The following LARS2 variants were observed in gnomAD, a reference collection of about 807,000 sequenced individuals.
The protein encoded by LARS2 is leucyl-tRNA synthetase 2, mitochondrial, also known as leucine--tRNA ligase, mitochondrial.
LARS2 carries 81 observed loss-of-function variants against 116.6 expected under a neutral mutation model. That is an observed-to-expected ratio of 0.69 (90% CI 0.58 to 0.84). The LOEUF (loss-of-function observed/expected upper bound fraction) is 0.84, where lower values mean the gene tolerates loss of function less well. Ranked by LOEUF, LARS2 falls within the 40% of genes least tolerant of loss-of-function variation. The probability of loss-of-function intolerance (pLI) is 0.00; values close to 1 mark genes in which losing one functional copy is unlikely to be tolerated. For synonymous variants in LARS2, 396 were observed against 407.2 expected (o/e 0.97, Z 0.33); for missense variants, 968 against 1,114.5 (o/e 0.87, Z 1.87).
At chr3:45,399,057 C>T (rs1698098254) in intron 3 of LARS2, among the ~76,000 whole-genome samples, 1 of 152,192 alleles carries the variant, frequency 6.6e-6, no homozygotes, top group Non-Finnish European at 1.5e-5. Flanking sequence ...GTACAGTTGT[C>T]TATGTTTCTC....
At chr3:45,389,316 A>T (rs916226867) in intron 1 of LARS2, among the ~76,000 whole-genome samples, 3 of 152,042 alleles carry the variant, frequency 2.0e-5, no homozygotes, top group Admixed American at 6.5e-5. Context: ...TCACGGGTCA[A>T]AACTTAGATC....
intron 5 of LARS2, 139 bp downstream of exon 5, chr3:45,417,712 G>T: frequency 1.7e-6 from 1 of 597,806 alleles, no homozygotes; most frequent in South Asian, 2.1e-5. Flanking sequence ...GTGTATATTG[G>T]TGTTTGTCTT....
At chr3:45,497,862 G>A (rs1266081579) in intron 14 of LARS2, among the ~76,000 whole-genome samples, 11 of 151,824 alleles carry the variant, frequency 7.2e-5, no homozygotes, top group African/African-American at 1.7e-4. Context: ...AGCTGAGCTC[G>A]TGCCACTGCA....
intron 15 of LARS2, chr3:45,509,349 C>T (rs1453911088): frequency 6.6e-6 from 1 of 152,126 alleles, no homozygotes; most frequent in Non-Finnish European, 1.5e-5. Flanking sequence ...AAAAGGGAAA[C>T]ACATTACCCC....
intron 8 of LARS2, among the ~76,000 whole-genome samples, chr3:45,462,263 TC>T: frequency 6.6e-6 from 1 of 152,116 alleles, no homozygotes; most frequent in South Asian, 2.1e-4. Context: ...TTGCTGCAGC[TC>T]CAGACATCGT....
intron 10 of LARS2, among the ~76,000 whole-genome samples, chr3:45,482,967 G>A (rs1699731169): frequency 6.6e-6 from 1 of 152,212 alleles, no homozygotes; most frequent in African/African-American, 2.4e-5. Flanking sequence ...GGGGAGAAGG[G>A]CATGCTCCTT....
At chr3:45,396,374 A>G (rs900947179) in intron 3 of LARS2, among the ~76,000 whole-genome samples, 1 of 152,254 alleles carries the variant, frequency 6.6e-6, no homozygotes, top group Admixed American at 6.5e-5. Flanking sequence ...GGCTCCTTGC[A>G]TTGTTTATCT....
chr3:45,518,121 T>A (rs1700400673), intron 18 of LARS2, 49 bp downstream of exon 18: 1 of 1,477,070 alleles, frequency 6.8e-7, no homozygotes, highest in African/African-American at 1.4e-5. Context: ...CAAGCACTCT[T>A]TGGGAACCTT....
chr3:45,519,116 CCTATAGTCAAAATGG>C lies in LARS2; in HGVS notation c.2214+1045_2214+1059del, dbSNP rs1172497448. 4.6e-5 allele frequency among the ~76,000 whole-genome samples: 7 copies of C among 152,258 alleles called. No homozygotes were observed. In the East Asian group the frequency reaches 1.3e-3, roughly 29 times the overall value. On this transcript the variant is annotated intron_variant, in intron 18 of 21. Transcript: ENST00000645846. ...GATGTGTTACTTTTCTGTATTCTTG[CCTATAGTCAAAATGG>C]AAAAGCACAGAAACATGAAAAAGCT... is the stretch of plus-strand genomic sequence containing the variant.
chr3:45,505,722 G>A (rs2125744628), intron 15 of LARS2, among the ~76,000 whole-genome samples: 1 of 152,064 alleles, frequency 6.6e-6, no homozygotes, highest in East Asian at 1.9e-4. Flanking sequence ...TCCTTCTTAT[G>A]TAGGTCTGGA....
chr3:45,541,805 C>A lies in LARS2; in HGVS notation c.2405-24C>A, dbSNP rs34191038. 1.4e-3 allele frequency: 2,248 copies of A among 1,613,086 alleles called. 31 individuals carry two copies. In the African/African-American group the frequency reaches 0.021, roughly 15 times the overall value. On this transcript the variant is annotated intron_variant, in intron 20 of 21. Coordinates refer to ENST00000645846, the MANE Select transcript of LARS2 (RefSeq NM_015340.4). ...CCTCCCTGTTCTTAGAGTGACCCCA[C>A]GCTTCTGTGCCTCGGCATTGCAGGC...
intron 16 of LARS2, among the ~76,000 whole-genome samples, chr3:45,514,740 T>A (rs1431206020): frequency 6.6e-6 from 1 of 152,218 alleles, no homozygotes; most frequent in Non-Finnish European, 1.5e-5. Flanking sequence ...ACTTCTCAAC[T>A]TTTCTGCCCA....
In LARS2 at chr3:45,486,390, C is replaced by T. The variant is rs143410159; in HGVS notation, c.1123+594C>T. On this transcript the variant is annotated intron_variant, in intron 11 of 21. Transcript: ENST00000645846. Reference sequence around the variant, plus strand: ...CTCATTCGTGAGCATTCTAAACTATCGTCATGTAACAGGAAGTCTGAGAAT... The same window carrying T: ...CTCATTCGTGAGCATTCTAAACTATTGTCATGTAACAGGAAGTCTGAGAAT... 1.1e-3 allele frequency among the ~76,000 whole-genome samples: 161 copies of T among 152,242 alleles called. 1 individual carries two copies. The East Asian group carries it at 0.029, about 27-fold the overall frequency.
intron 7 of LARS2, among the ~76,000 whole-genome samples, chr3:45,451,448 A>G (rs1453328531): frequency 6.6e-6 from 1 of 152,056 alleles, no homozygotes; most frequent in Non-Finnish European, 1.5e-5. Flanking sequence ...AGCAACATTT[A>G]TTAAAGAGAC....
intron 3 of LARS2, 101 bp downstream of exon 3, chr3:45,394,788 C>A: frequency 1.4e-6 from 1 of 739,310 alleles, no homozygotes; most frequent in Non-Finnish European, 2.3e-6. Flanking sequence ...AAATATGTGA[C>A]CTTGAACCAA....
chr3:45,439,915 G>C (rs1698877367), intron 6 of LARS2, among the ~76,000 whole-genome samples: 1 of 152,206 alleles, frequency 6.6e-6, no homozygotes, highest in African/African-American at 2.4e-5. Context: ...ATATTCGGGA[G>C]GAACTTCTTT....
At chr3:45,541,637 C>A (rs754755928) in intron 20 of LARS2, 192 bp from the exon 21 acceptor site, 2 of 605,622 alleles carry the variant, frequency 3.3e-6, no homozygotes, top group Non-Finnish European at 5.6e-6. Context: ...TTGTGAAAAA[C>A]AAAAGCTACC....
intron 10 of LARS2, among the ~76,000 whole-genome samples, chr3:45,480,412 A>G (rs1699679816): frequency 6.6e-6 from 1 of 152,208 alleles, no homozygotes; most frequent in South Asian, 2.1e-4. Flanking sequence ...GTTTTTCCAG[A>G]GGGTGTGAGA....
chr3:45,435,978 C>T (rs1698794302), intron 6 of LARS2, among the ~76,000 whole-genome samples: 1 of 152,144 alleles, frequency 6.6e-6, no homozygotes, highest in Non-Finnish European at 1.5e-5. Flanking sequence ...CTTTCCTAAC[C>T]CTTCTCTTAA....
Sources: gnomAD v4.1 joint callset for allele counts (sites outside exome capture counted in the v4.1 genomes callset) on GRCh38, gnomAD v4.1.1 for gene constraint, MANE v1.5 for transcripts, NCBI Gene and HGNC (gene_info 2026-07-23, HGNC 2026-07-21) for gene names.